The following VPS37A variants were observed in gnomAD, a reference collection of about 807,000 sequenced individuals.
VPS37A encodes the protein vacuolar protein sorting-associated protein 37A.
VPS37A carries 30 observed loss-of-function variants against 49.8 expected under a neutral mutation model. The ratio of observed to expected loss-of-function variants is 0.60; its 90% CI spans 0.45 to 0.82. The LOEUF (loss-of-function observed/expected upper bound fraction) is 0.82, where lower values mean the gene tolerates loss of function less well. Among genes scored for constraint, VPS37A ranks in the 40% least tolerant of loss-of-function variants. The pLI is 0.00. For missense variants in VPS37A, 593 were observed against 464.4 expected, an observed-to-expected ratio of 1.28 and a Z score of -2.55; for synonymous variants, 195 against 160.6, an observed-to-expected ratio of 1.21 and a Z score of -1.62.
At chr8:17,308,563 A>G in the VPS37A span, among the ~76,000 whole-genome samples, 1 of 152,234 alleles carries the variant, frequency 6.6e-6, no homozygotes, top group African/African-American at 2.4e-5. Context: ...TATCAAACTA[A>G]TGAAACTTGC....
In VPS37A at chr8:17,296,966, C is replaced by T. The variant is rs1443337245; in HGVS notation, c.*1980C>T. ...ACATAAAGGTTATGTATGTCACCCA[C>T]GATGAAAAGAATCTGCATTTGAATA... On this transcript the variant is annotated 3_prime_UTR_variant, in exon 12 of 12. Transcript: ENST00000324849. The T allele has an allele frequency of 3.3e-5, 5 of 152,204 alleles. No individual in the cohort carries two copies. In the South Asian group the frequency reaches 8.3e-4, roughly 25 times the overall value. The allele number at this position is 152,204 out of a possible 1,614,324, so 9.4% of individuals were successfully genotyped here. A position where few individuals can be genotyped will look rare whatever the true frequency, so the allele number is the denominator to read the frequency against.
Position 17,297,483 on chromosome 8 carries a change from GTC to G in VPS37A, c.*2501_*2502del, listed in dbSNP as rs375842042. ...AATAAAAATTTATTCTATGGTTTCT[GTC>G]TCTGATCATCACCTTCCATTCTATA... is the stretch of plus-strand genomic sequence containing the variant. On this transcript the variant is annotated 3_prime_UTR_variant, in exon 12 of 12. Coordinates refer to ENST00000324849, the MANE Select transcript of VPS37A (RefSeq NM_152415.3). 415 of 152,128 alleles carry G rather than the reference GTC, an allele frequency of 2.7e-3. 3 individuals are homozygous for G. Among genetic ancestry groups the G allele is most frequent in the African/African-American group, 9.5e-3 (393 of 41,534 alleles). 9.4% of individuals were successfully genotyped at this position (152,128 alleles called of 1,614,324 possible). A position where few individuals can be genotyped will look rare whatever the true frequency, so the allele number is the denominator to read the frequency against.
At chr8:17,264,441 G>C (rs1023908532) in intron 1 of VPS37A, among the ~76,000 whole-genome samples, 15 of 152,158 alleles carry the variant, frequency 9.9e-5, no homozygotes, top group African/African-American at 3.6e-4. Context: ...CAGAAAAACT[G>C]TTCAAGTCCT....
At chr8:17,281,066 A>T (rs904440048) in intron 9 of VPS37A, among the ~76,000 whole-genome samples, 3 of 152,004 alleles carry the variant, frequency 2.0e-5, no homozygotes, top group African/African-American at 7.2e-5. Context: ...GACATAAACC[A>T]ACAACAGCAA....
intron 4 of VPS37A, among the ~76,000 whole-genome samples, chr8:17,271,629 C>T (rs1427098107): frequency 6.6e-6 from 1 of 152,036 alleles, no homozygotes; most frequent in Non-Finnish European, 1.5e-5. Context: ...CTTATGATTT[C>T]TTATGAATCC....
chr8:17,313,854 A>T, the VPS37A span, among the ~76,000 whole-genome samples: 1 of 152,210 alleles, frequency 6.6e-6, no homozygotes, highest in Non-Finnish European at 1.5e-5. Context: ...ACTGTTGTAA[A>T]AACACAAGAC....
the VPS37A span, among the ~76,000 whole-genome samples, chr8:17,310,391 G>C: frequency 2.0e-5 from 3 of 152,148 alleles, no homozygotes; most frequent in Non-Finnish European, 4.4e-5. Context: ...CCCTTACAAA[G>C]AAATATGAAC....
At chr8:17,331,903 G>C in the VPS37A span, among the ~76,000 whole-genome samples, 12 of 152,238 alleles carry the variant, frequency 7.9e-5, no homozygotes, top group Middle Eastern at 3.4e-3. Context: ...TGGGCTTTTT[G>C]ATCACTTTCA....
At chr8:17,308,059 A>C in the VPS37A span, among the ~76,000 whole-genome samples, 7 of 151,634 alleles carry the variant, frequency 4.6e-5, no homozygotes, top group Admixed American at 3.3e-4. Context: ...AAAAATAAAA[A>C]TAAAATGAGG....
chr8:17,317,217 A>G, the VPS37A span, among the ~76,000 whole-genome samples: 4 of 152,178 alleles, frequency 2.6e-5, no homozygotes, highest in Admixed American at 6.5e-5. Context: ...ATTCACATGT[A>G]AGAGCAAGAC....
At chr8:17,278,633 G>T (rs1814749241) in intron 6 of VPS37A, among the ~76,000 whole-genome samples, 2 of 152,002 alleles carry the variant, frequency 1.3e-5, no homozygotes, top group South Asian at 2.1e-4. Context: ...AAGGGTGCTT[G>T]TTCTTTTCCA....
Position 17,284,476 on chromosome 8 carries a change from T to C in VPS37A, c.973T>C (p.Cys325Arg). ...AGTGCCTGATTTTCTTTTTCAGAGCTGTAGTGCAAGTGCCCTTCAGGCAAG... is the reference window on the plus strand; with the variant it reads ...AGTGCCTGATTTTCTTTTTCAGAGCCGTAGTGCAAGTGCCCTTCAGGCAAG... ...MQRQHELSES[C>R]SASALQARLK... is the part of the protein sequence containing the mutation. The change falls in exon 10 of 12, where the codon TGT (cysteine) becomes CGT (arginine). Residue 325 changes from cysteine (C) to arginine (R), a missense_variant. Coordinates refer to ENST00000324849, the MANE Select transcript of VPS37A (RefSeq NM_152415.3). 6.4e-7 allele frequency: 1 copy of C among 1,572,738 alleles called. No homozygotes were observed. The highest frequency in any genetic ancestry group is 8.6e-7 in the Non-Finnish European group (1 of 1,167,702).
chr8:17,311,479 G>A, the VPS37A span: 86 of 1,613,608 alleles, frequency 5.3e-5, 1 homozygote, highest in South Asian at 6.7e-4. Context: ...TCAAGGCACC[G>A]CCTGTGGGAA....
the VPS37A span, among the ~76,000 whole-genome samples, chr8:17,315,925 A>T: frequency 6.6e-6 from 1 of 152,184 alleles, no homozygotes; most frequent in South Asian, 2.1e-4. Context: ...AGTTGAGAGG[A>T]TCACTTCAAC....
chr8:17,251,764 A>G (rs956642705), intron 1 of VPS37A, among the ~76,000 whole-genome samples: 5 of 152,180 alleles, frequency 3.3e-5, no homozygotes, highest in Admixed American at 1.3e-4. Flanking sequence ...TAGTAGTGCC[A>G]TTCTCCCTAG....
rs540865797 is a variant in VPS37A at position 17,263,010 on chromosome 8, G to A, written c.126-2897G>A. 1.3e-4 allele frequency among the ~76,000 whole-genome samples: 20 copies of A among 148,920 alleles called. No homozygotes were observed. The East Asian group carries it at 3.5e-3, about 26-fold the overall frequency. ...CGGGAGGCAGAGGTTGCAGTGAGCC[G>A]AGATCTCGCCATTGCACTCCAGCCT... is the stretch of plus-strand genomic sequence containing the variant. On this transcript the variant is annotated intron_variant, in intron 1 of 11. Coordinates refer to ENST00000324849, the MANE Select transcript of VPS37A (RefSeq NM_152415.3).
chr8:17,253,229 C>G (rs1409130703), intron 1 of VPS37A, among the ~76,000 whole-genome samples: 4 of 152,220 alleles, frequency 2.6e-5, no homozygotes, highest in Non-Finnish European at 5.9e-5. Flanking sequence ...TGTTTGCTCA[C>G]CTAAGCCGAA....
chr8:17,285,787 A>G (rs1410794823), intron 10 of VPS37A, among the ~76,000 whole-genome samples: 1 of 152,226 alleles, frequency 6.6e-6, no homozygotes, highest in African/African-American at 2.4e-5. Flanking sequence ...GCTTAACAGT[A>G]GCAGAATTTA....
intron 6 of VPS37A, among the ~76,000 whole-genome samples, chr8:17,278,353 C>G (rs1814720615): frequency 6.6e-6 from 1 of 151,918 alleles, no homozygotes; most frequent in South Asian, 2.1e-4. Context: ...ATTTATTAAC[C>G]AGAATTACTC....
Sources: allele counts gnomAD v4.1 joint callset (sites outside exome capture counted in the v4.1 genomes callset), GRCh38; gene constraint gnomAD v4.1.1; transcripts MANE v1.5; gene names NCBI Gene and HGNC (gene_info 2026-07-23, HGNC 2026-07-21).